The following RYR1 variants were observed in gnomAD, a reference collection of about 807,000 sequenced individuals.
The protein encoded by RYR1 is ryanodine receptor 1, also known as central core disease of muscle.
A neutral mutation model predicts 583.5 loss-of-function variants in RYR1; 342 were observed. That is an observed-to-expected ratio of 0.59 (90% CI 0.54 to 0.64). RYR1 has a LOEUF of 0.64. Ranked by LOEUF, RYR1 falls within the 30% of genes least tolerant of loss-of-function variation. The probability of loss-of-function intolerance (pLI) is 0.00; values close to 1 mark genes in which losing one functional copy is unlikely to be tolerated. For missense variants in RYR1, 6,032 were observed against 6,917.2 expected (o/e 0.87, Z 4.54); for synonymous variants, 2,791 against 2,822.5 (o/e 0.99, Z 0.35).
chr19:38,571,500 G>A (rs1973712056), intron 94 of RYR1, among the ~76,000 whole-genome samples: 1 of 152,122 alleles, frequency 6.6e-6, no homozygotes, highest in Admixed American at 6.6e-5. Flanking sequence ...AGCCAGGCCT[G>A]GTGGCGGGCA....
chr19:38,453,045 T>G, intron 13 of RYR1, 31 bp downstream of exon 13: 2 of 1,595,674 alleles, frequency 1.3e-6, no homozygotes, highest in Non-Finnish European at 8.5e-7. Context: ...GAGCGGGGCC[T>G]GTGGGCCCAG....
At chr19:38,489,578 A>C (rs752319984) in intron 35 of RYR1, 135 bp downstream of exon 35, 2 of 902,924 alleles carry the variant, frequency 2.2e-6, no homozygotes, top group Admixed American at 1.8e-5. Flanking sequence ...AGCAATGCCA[A>C]CTTGGAAAGA....
intron 13 of RYR1, 88 bp from the exon 14 acceptor site, chr19:38,455,147 A>G: frequency 6.8e-7 from 1 of 1,473,188 alleles, no homozygotes. Context: ...CTAGTTGTTG[A>G]AGGAATATGA....
chr19:38,520,358 A>G (rs1320587107), intron 67 of RYR1, among the ~76,000 whole-genome samples: 1 of 143,504 alleles, frequency 7.0e-6, no homozygotes, highest in South Asian at 2.3e-4. Flanking sequence ...GAGCCACCAC[A>G]CTTAGCTGCT....
At chr19:38,498,995 A>C in intron 42 of RYR1, 113 bp from the exon 43 acceptor site, 3 of 1,406,084 alleles carry the variant, frequency 2.1e-6, no homozygotes, top group Non-Finnish European at 9.7e-7. Context: ...CCGAGGGATC[A>C]GAGCTGAACC....
intron 1 of RYR1, 48 bp from the exon 2 acceptor site, chr19:38,440,697 G>GCA (rs1421246298): frequency 6.3e-7 from 1 of 1,598,070 alleles, no homozygotes; most frequent in East Asian, 2.2e-5. Context: ...CAGTATTTGT[G>GCA]GTATCCGGGC....
chr19:38,515,211 A>C, intron 64 of RYR1, 104 bp downstream of exon 64: 1 of 915,898 alleles, frequency 1.1e-6, no homozygotes, highest in Non-Finnish European at 1.7e-6. Flanking sequence ...GATGTTAAGA[A>C]TTTTCCCGCA....
At chr19:38,474,762 A>G (rs917761477) in intron 28 of RYR1, among the ~76,000 whole-genome samples, 10 of 150,884 alleles carry the variant, frequency 6.6e-5, no homozygotes, top group Non-Finnish European at 1.0e-4. Context: ...TTTGGTAGAG[A>G]CAGGGTTTCA....
chr19:38,566,824 A>G, intron 91 of RYR1, 87 bp from the exon 92 acceptor site: 7 of 1,551,580 alleles, frequency 4.5e-6, no homozygotes, highest in Non-Finnish European at 6.1e-6. Flanking sequence ...AGGGGAAATA[A>G]GAGAGAAAGG....
rs1258521835 is a variant in RYR1 at position 38,587,338 on chromosome 19, G to A, written c.15035G>A (p.Trp5012Ter). 5.0e-6 allele frequency: 8 copies of A among 1,613,524 alleles called. No individual in the cohort carries two copies. The highest frequency in any genetic ancestry group is 8.5e-7 in the Non-Finnish European group (1 of 1,179,648). The change falls in exon 106 of 106, where the codon TGG becomes TAG. Residue 5012 changes from tryptophan to a stop codon, truncating the protein, a stop_gained. Transcript: ENST00000359596. LOFTEE classifies it high-confidence loss of function. ...TEHTGQESYV[W>*]KMYQERCWDF... ...CCCCAATCCTAGGAGTCTTATGTCT[G>A]GAAGATGTACCAAGAGAGATGTTGG...
chr19:38,497,288 C>A (rs983973990), intron 42 of RYR1, among the ~76,000 whole-genome samples: 2 of 151,878 alleles, frequency 1.3e-5, no homozygotes, highest in Non-Finnish European at 2.9e-5. Context: ...CGGATCCGCA[C>A]GCTACGCTTC....
intron 31 of RYR1, among the ~76,000 whole-genome samples, chr19:38,478,841 C>G (rs1392170069): frequency 6.6e-6 from 1 of 152,214 alleles, no homozygotes; most frequent in South Asian, 2.1e-4. Flanking sequence ...GATCTTGGCT[C>G]ACTGCAACCT....
chr19:38,438,703 C>T (rs1600624330), intron 1 of RYR1, among the ~76,000 whole-genome samples: 1 of 143,858 alleles, frequency 7.0e-6, no homozygotes. Flanking sequence ...ACTACAAGCT[C>T]CGCCTCCCAG....
chr19:38,465,789 A>G (rs1968066135), intron 23 of RYR1, among the ~76,000 whole-genome samples: 1 of 151,936 alleles, frequency 6.6e-6, no homozygotes, highest in South Asian at 2.1e-4. Flanking sequence ...GAGAGAGAAA[A>G]ACCTCAAAGT....
At chr19:38,451,982 C>T in intron 12 of RYR1, 97 bp downstream of exon 12, 1 of 1,545,116 alleles carries the variant, frequency 6.5e-7, no homozygotes, top group South Asian at 1.1e-5. Context: ...CTCTGTTGCC[C>T]ACACCCTTGT....
chr19:38,452,819 G>C lies in RYR1; in HGVS notation c.1245G>C (p.Lys415Asn), dbSNP rs758736842. The C allele has an allele frequency of 1.3e-6, 2 of 1,587,866 alleles. No homozygotes were observed. Among genetic ancestry groups the C allele is most frequent in the Non-Finnish European group, 8.6e-7 (1 of 1,167,688 alleles). The change falls in exon 13 of 106, where the codon AAG becomes AAC. Residue 415 changes from lysine to asparagine, a missense_variant and splice_region_variant. Lys to Asn is a moderately conservative substitution (Grantham distance 94). Transcript: ENST00000359596. Reference sequence around the variant, plus strand: ...GCTGACAGCTGCGAGGTCCCTGTAGGAGCCTGGACAGCTTCAGCGGGAAGC... The same window carrying C: ...GCTGACAGCTGCGAGGTCCCTGTAGCAGCCTGGACAGCTTCAGCGGGAAGC... ...STNGLYNQFI[K>N]SLDSFSGKPR... is the part of the protein sequence containing the mutation.
intron 56 of RYR1, 78 bp from the exon 57 acceptor site, chr19:38,506,751 G>T (rs1447417663): frequency 6.3e-7 from 1 of 1,598,880 alleles, no homozygotes; most frequent in Non-Finnish European, 8.5e-7. Context: ...TACGCATGCC[G>T]GGCACTGCAG....
chr19:38,496,968 G>C lies in RYR1; in HGVS notation c.6891+14G>C, dbSNP rs764150680. On this transcript the variant is annotated intron_variant, in intron 42 of 105. Transcript: ENST00000359596. This position sits in a 1 kb window ranked among gnomAD's most constrained non-coding sequence, Gnocchi z 4.8. ...GACCTGGAAAAGGTGTGGAGGGCAG[G>C]GCTGGGCCCCAGGCCTAAGGGAGGA... 1 of 1,610,798 alleles carries C rather than the reference G, an allele frequency of 6.2e-7. No individual in the cohort carries two copies. The highest frequency in any genetic ancestry group is 1.3e-5 in the African/African-American group (1 of 74,886).
rs368304712 is a variant in RYR1 at position 38,469,533 on chromosome 19, A to G, written c.3765+20A>G. The G allele has an allele frequency of 7.5e-6, 12 of 1,606,254 alleles. No homozygotes were observed. The highest frequency in any genetic ancestry group is 1.0e-5 in the Non-Finnish European group (12 of 1,173,360). On this transcript the variant is annotated intron_variant, in intron 27 of 105. Transcript: ENST00000359596. ...TATGAGGTAAGGACTGAGCCCCTCAATGCCTTCTCATCTGCCTCCAAAGCT... is the reference window on the plus strand; with the variant it reads ...TATGAGGTAAGGACTGAGCCCCTCAGTGCCTTCTCATCTGCCTCCAAAGCT...
Sources: allele counts gnomAD v4.1 joint callset (sites outside exome capture counted in the v4.1 genomes callset), GRCh38; gene constraint gnomAD v4.1.1; non-coding constraint Gnocchi (gnomAD v3.1); transcripts MANE v1.5; gene names NCBI Gene and HGNC (gene_info 2026-07-23, HGNC 2026-07-21).